The following PLCD3 variants were observed in gnomAD, a reference collection of about 807,000 sequenced individuals.
The protein encoded by PLCD3 is 1-phosphatidylinositol 4,5-bisphosphate phosphodiesterase delta-3.
In PLCD3, 62 loss-of-function variants were observed where a neutral mutation model predicts 82.8. That is an observed-to-expected ratio of 0.75 (90% CI 0.61 to 0.93). The LOEUF is 0.93. Among genes scored for constraint, PLCD3 ranks in the 40% least tolerant of loss-of-function variants. The pLI, the probability that PLCD3 is intolerant of heterozygous loss-of-function variation, is 0.00. For synonymous variants in PLCD3, 478 were observed against 471.8 expected (o/e 1.01, Z -0.17); for missense variants, 1,023 against 1,103.4 (o/e 0.93, Z 1.03).
chr17:45,114,924 C>T, intron 10 of PLCD3, among the ~76,000 whole-genome samples, 170 bp downstream of exon 10: 1 of 152,124 alleles, frequency 6.6e-6, no homozygotes, highest in East Asian at 1.9e-4. Flanking sequence ...GTGCCACTCC[C>T]CTCCATCCAC....
intron 1 of PLCD3, 89 bp from the exon 2 acceptor site, chr17:45,121,461 C>G: frequency 7.2e-7 from 1 of 1,383,414 alleles, no homozygotes. Context: ...GCCCCATCCT[C>G]CAGCCTCTCC....
At chr17:45,113,870 G>C (rs1285635823) in intron 11 of PLCD3, among the ~76,000 whole-genome samples, 2 of 152,084 alleles carry the variant, frequency 1.3e-5, no homozygotes, top group African/African-American at 2.4e-5. Flanking sequence ...GTCAGAGCCA[G>C]GGGTCTGAGG....
chr17:45,121,332 G>T lies in PLCD3; in HGVS notation c.204C>A (p.Gly68=), dbSNP rs1488494800. ...GCGAGCGGATCTTGCGGAGCCGGGA[G>T]CCCCGCAGCATGGCGCGCACGTCCT... ...EDEDVRAMLR[G]SRLRKIRSRT... is the part of the protein sequence containing the mutation. Residue 68 remains glycine (G), a synonymous_variant, in exon 2 of 15, where the codon GGC becomes GGA. Coordinates refer to ENST00000619929, the MANE Select transcript of PLCD3 (RefSeq NM_133373.5). 1.3e-6 allele frequency: 2 copies of T among 1,553,020 alleles called. No homozygotes were observed. Among genetic ancestry groups the T allele is most frequent in the Non-Finnish European group, 1.7e-6 (2 of 1,158,136 alleles).
Position 45,121,014 on chromosome 17 carries a change from T to C in PLCD3, c.442A>G (p.Lys148Glu). ...CLTIAFKGRR[K>E]NLDLAAPTAE... ...GTGGGCGCCGCCAGGTCCAGGTTCTTGCGGCGGCCCTTGAAGGCGATGGTG... is the reference window on the plus strand; with the variant it reads ...GTGGGCGCCGCCAGGTCCAGGTTCTCGCGGCGGCCCTTGAAGGCGATGGTG... The change falls in exon 3 of 15, where the codon AAG becomes GAG. Residue 148 changes from lysine (K) to glutamate (E), a missense_variant. By Grantham distance (56) the Lys-to-Glu change is moderately conservative (BLOSUM62 1). This residue lies in a region of PLCD3 where 448 missense variants were observed against 406.3 expected (regional missense o/e 1.10). Coordinates refer to ENST00000619929, the MANE Select transcript of PLCD3 (RefSeq NM_133373.5). 1.3e-6 allele frequency: 2 copies of C among 1,540,350 alleles called. No individual in the cohort carries two copies. The highest frequency in any genetic ancestry group is 1.7e-6 in the Non-Finnish European group (2 of 1,150,578).
chr17:45,119,770 C>T (rs529132539), intron 4 of PLCD3, among the ~76,000 whole-genome samples: 1 of 152,346 alleles, frequency 6.6e-6, no homozygotes, highest in East Asian at 1.9e-4. Context: ...AAGCTGTGGC[C>T]CAGGGGTCCA....
chr17:45,116,727 C>T lies in PLCD3; in HGVS notation c.1318G>A (p.Ala440Thr). 2 of 1,610,080 alleles carry T rather than the reference C, an allele frequency of 1.2e-6. No homozygotes were observed. Among genetic ancestry groups the T allele is most frequent in the Non-Finnish European group, 1.7e-6 (2 of 1,177,926 alleles). The change falls in exon 8 of 15, where the codon GCT (alanine) becomes ACT (threonine). Residue 440 changes from alanine to threonine, a missense_variant. Ala to Thr is a moderately conservative substitution (Grantham distance 58, BLOSUM62 0). Coordinates refer to ENST00000619929, the MANE Select transcript of PLCD3 (RefSeq NM_133373.5). ...LENHCGLEQQAAMARHLCTIL... is the reference protein window; with the variant it reads ...LENHCGLEQQTAMARHLCTIL... Reference sequence around the variant, plus strand: ...GTGCAGAGGTGGCGGGCCATGGCAGCCTGCTGCTCCAGCCCGCAGTGGTTC... The same window carrying T: ...GTGCAGAGGTGGCGGGCCATGGCAGTCTGCTGCTCCAGCCCGCAGTGGTTC...
chr17:45,119,579 C>T (rs115518874), intron 4 of PLCD3, among the ~76,000 whole-genome samples: 194 of 152,312 alleles, frequency 1.3e-3, no homozygotes, highest in African/African-American at 4.5e-3. Context: ...AGTGCCTGCC[C>T]CTCTGCACCA....
At chr17:45,114,015 G>A (rs763486042) in intron 11 of PLCD3, among the ~76,000 whole-genome samples, 17 of 152,266 alleles carry the variant, frequency 1.1e-4, no homozygotes, top group Admixed American at 5.2e-4. Context: ...GTGTGTGTCC[G>A]GGGGACATGG....
chr17:45,121,045 G>C lies in PLCD3; in HGVS notation c.411C>G (p.Arg137=). 3 of 1,539,322 alleles carry C rather than the reference G, an allele frequency of 1.9e-6. No individual in the cohort carries two copies. Among genetic ancestry groups the C allele is most frequent in the Non-Finnish European group, 2.6e-6 (3 of 1,150,342 alleles). The change falls in exon 3 of 15, where the codon CGC becomes CGG. Residue 137 remains arginine (R), a synonymous_variant. Coordinates refer to ENST00000619929, the MANE Select transcript of PLCD3 (RefSeq NM_133373.5). Reference sequence around the variant, plus strand: ...GGCCCTTGAAGGCGATGGTGAGGCAGCGCGCTGGCGCGAAGGCACCCCCGA... The same window carrying C: ...GGCCCTTGAAGGCGATGGTGAGGCACCGCGCTGGCGCGAAGGCACCCCCGA... ...RRFGGAFAPA[R]CLTIAFKGRR...
In PLCD3 at chr17:45,118,589, T is replaced by C; in HGVS notation, c.914-97A>G. 1 of 1,388,354 alleles carries C rather than the reference T, an allele frequency of 7.2e-7. No individual in the cohort carries two copies. Among genetic ancestry groups the C allele is most frequent in the African/African-American group, 1.4e-5 (1 of 70,690 alleles). The allele number at this position is 1,388,354 out of a possible 1,614,324, so 86.0% of individuals were successfully genotyped here. ...GCCCACTCAGCTTAGGAATAATGAC[T>C]AGACAATCTACTGACTAGACTCCAT... On this transcript the variant is annotated intron_variant, in intron 5 of 14. Transcript: ENST00000619929. The surrounding 1 kb of genome is among the most constrained non-coding windows in gnomAD (Gnocchi z 4.1).
Position 45,118,187 on chromosome 17 carries a change from C to A in PLCD3, c.1116-49G>T. On this transcript the variant is annotated intron_variant, in intron 6 of 14. Coordinates refer to ENST00000619929, the MANE Select transcript of PLCD3 (RefSeq NM_133373.5). This position sits in a 1 kb window ranked among gnomAD's most constrained non-coding sequence, Gnocchi z 4.1. ...CGGGCAAGGTGTTGCCAGAGTGCCA[C>A]AGAGCAGGGCAGCAGGCAGGCTGGG... 1 of 1,612,470 alleles carries A rather than the reference C, an allele frequency of 6.2e-7. No individual in the cohort carries two copies. Among genetic ancestry groups the A allele is most frequent in the African/African-American group, 1.3e-5 (1 of 75,038 alleles).
chr17:45,120,740 G>A (rs1446410586), intron 3 of PLCD3, among the ~76,000 whole-genome samples, 162 bp downstream of exon 3: 1 of 152,164 alleles, frequency 6.6e-6, no homozygotes, highest in Admixed American at 6.5e-5. Context: ...CAGGGCGCGT[G>A]TCCCCACCCT....
chr17:45,132,508 G>C lies in PLCD3; in HGVS notation c.-98C>G. 1 of 696,332 alleles carries C rather than the reference G, an allele frequency of 1.4e-6. No individual in the cohort carries two copies. The highest frequency in any genetic ancestry group is 1.8e-6 in the Non-Finnish European group (1 of 546,274). 43.1% of individuals were successfully genotyped at this position (696,332 alleles called of 1,614,324 possible). ...CGGCCCCGGCTCTGAGCGAGGCGGC[G>C]AGCGAAGAAACTTAGCGGCGCGGGA... is the stretch of plus-strand genomic sequence containing the variant. On this transcript the variant is annotated 5_prime_UTR_variant, in exon 1 of 15. Coordinates refer to ENST00000619929, the MANE Select transcript of PLCD3 (RefSeq NM_133373.5). The surrounding 1 kb of genome is among the most constrained non-coding windows in gnomAD (Gnocchi z 4.6).
chr17:45,132,235 G>C lies in PLCD3; in HGVS notation c.163+13C>G. On this transcript the variant is annotated intron_variant, in intron 1 of 14. Transcript: ENST00000619929. The surrounding 1 kb of genome is among the most constrained non-coding windows in gnomAD (Gnocchi z 4.6). ...GTCCGCGCCCACCCCACCGCCCCTTGCCCGTCACTGACCCATCTTCTTCAG... is the reference window on the plus strand; with the variant it reads ...GTCCGCGCCCACCCCACCGCCCCTTCCCCGTCACTGACCCATCTTCTTCAG... 7.9e-7 allele frequency: 1 copy of C among 1,267,280 alleles called. No individual in the cohort carries two copies. The highest frequency in any genetic ancestry group is 3.0e-5 in the East Asian group (1 of 33,764). 78.5% of individuals were successfully genotyped at this position (1,267,280 alleles called of 1,614,324 possible).
intron 1 of PLCD3, among the ~76,000 whole-genome samples, chr17:45,123,972 G>A (rs1246411634): frequency 2.5e-5 from 2 of 80,572 alleles, no homozygotes; most frequent in Non-Finnish European, 2.8e-5. Context: ...CCCCCAACCA[G>A]GTCCAGGTAG....
chr17:45,112,650 G>A lies in PLCD3; in HGVS notation c.2336C>T (p.Thr779Met), dbSNP rs771010560. Residue 779 changes from threonine (T) to methionine (M), a missense_variant, in exon 15 of 15, where the codon ACG becomes ATG. Around this residue, in one of 3 missense-constraint regions of PLCD3, gnomAD observed 553 missense variants for 655.7 expected, o/e 0.84. Transcript: ENST00000619929. ...SKDGASLSPA[T>M]LFIQIRIQRS ...CTGGATGCGGATTTGGATGAAGAGCGTGGCTGGTGACAGTGAGGCCCCGTC... is the reference window on the plus strand; with the variant it reads ...CTGGATGCGGATTTGGATGAAGAGCATGGCTGGTGACAGTGAGGCCCCGTC... 3.3e-5 allele frequency: 53 copies of A among 1,606,978 alleles called. No homozygotes were observed. The highest frequency in any genetic ancestry group is 6.7e-5 in the East Asian group (3 of 44,678).
intron 1 of PLCD3, chr17:45,129,194 CT>C (rs2054402463): frequency 6.6e-6 from 1 of 152,298 alleles, no homozygotes; most frequent in African/African-American, 2.4e-5. Flanking sequence ...TGGCTTACAC[CT>C]GTAATCCCAG....
chr17:45,113,375 C>CTTT, intron 12 of PLCD3, 64 bp downstream of exon 12: 1 of 1,556,504 alleles, frequency 6.4e-7, no homozygotes, highest in Non-Finnish European at 8.7e-7. Context: ...CCTTCCTCCA[C>CTTT]CTCACAAAGA....
In PLCD3 at chr17:45,131,177, C is replaced by A. The variant is rs568133619; in HGVS notation, c.163+1071G>T. On this transcript the variant is annotated intron_variant, in intron 1 of 14. Coordinates refer to ENST00000619929, the MANE Select transcript of PLCD3 (RefSeq NM_133373.5). ...AGGCACAGCGCCCAGACATAGTCAG[C>A]GCTCAGGTGGAATGAGTCGAGGTAA... Among the ~76,000 whole-genome samples, 4 of 152,318 alleles carry A rather than the reference C, an allele frequency of 2.6e-5. No homozygotes were observed. In the East Asian group the frequency reaches 7.7e-4, roughly 29 times the overall value.
Sources: allele counts gnomAD v4.1 joint callset (sites outside exome capture counted in the v4.1 genomes callset), GRCh38; gene constraint gnomAD v4.1.1; regional missense constraint gnomAD v4.1.1; non-coding constraint Gnocchi (gnomAD v3.1); transcripts MANE v1.5; gene names NCBI Gene and HGNC (gene_info 2026-07-23, HGNC 2026-07-21).